The following PACRG variants were observed in gnomAD, a reference collection of about 807,000 sequenced individuals.
PACRG encodes the protein parkin coregulated gene protein.
In PACRG, 29 loss-of-function variants were observed where a neutral mutation model predicts 29.7. That is an observed-to-expected ratio of 0.98 (90% CI 0.73 to 1.33). The LOEUF is 1.33. Among genes scored for constraint, PACRG ranks in the 40% most tolerant of loss-of-function variants. The probability of loss-of-function intolerance (pLI) is 0.00; values close to 1 mark genes in which losing one functional copy is unlikely to be tolerated. For missense variants in PACRG, 279 were observed against 316.2 expected (o/e 0.88, Z 0.89); for synonymous variants, 116 against 118.7 (o/e 0.98, Z 0.15).
chr6:162,901,886 G>A (rs979734783), intron 2 of PACRG, among the ~76,000 whole-genome samples: 2 of 152,188 alleles, frequency 1.3e-5, no homozygotes, highest in Non-Finnish European at 2.9e-5. Context: ...TGGCAGGATC[G>A]CTAAGGTAAT....
In PACRG at chr6:163,192,779, G is replaced by A. The variant is rs190229423; in HGVS notation, c.613+103371G>A. The stretch of plus-strand genomic sequence containing the variant: ...TGTGTATTTGCAGGGAAGATGGTTA[G>A]GCTGACTGGCTCCCAGGTTGGGTGT... On this transcript the variant is annotated intron_variant, in intron 4 of 4. Transcript: ENST00000366888. 4.6e-3 allele frequency among the ~76,000 whole-genome samples: 694 copies of A among 152,292 alleles called. 6 individuals are homozygous for A. The highest frequency in any genetic ancestry group is 8.1e-3 in the Non-Finnish European group (551 of 68,020).
rs142868980 is a variant in PACRG at position 162,963,136 on chromosome 6, T to G, written c.292-99014T>G. 1.9e-3 allele frequency among the ~76,000 whole-genome samples: 283 copies of G among 152,326 alleles called. 1 individual carries two copies. The highest frequency in any genetic ancestry group is 6.3e-3 in the African/African-American group (264 of 41,580). On this transcript the variant is annotated intron_variant, in intron 2 of 4. Transcript: ENST00000366888. ...AAAGGAAGGCAAGGTTTTCCATAAT[T>G]AATTGCTTATAAAAACTACCAAAGA...
intron 1 of PACRG, among the ~76,000 whole-genome samples, chr6:162,810,613 C>G (rs1413782635): frequency 6.6e-6 from 1 of 151,944 alleles, no homozygotes; most frequent in Admixed American, 6.6e-5. Flanking sequence ...AAAGATGAAC[C>G]AAATAGAAAT....
chr6:162,878,543 G>T (rs758511695), intron 2 of PACRG, among the ~76,000 whole-genome samples: 26 of 152,090 alleles, frequency 1.7e-4, no homozygotes, highest in Non-Finnish European at 3.7e-4. Context: ...TTGTTACTTG[G>T]ATTCAAAGAG....
At chr6:162,919,200 G>T (rs989664886) in intron 2 of PACRG, among the ~76,000 whole-genome samples, 5 of 152,208 alleles carry the variant, frequency 3.3e-5, no homozygotes, top group African/African-American at 7.2e-5. Context: ...AATTCATGGA[G>T]ACAAAATAGT....
intron 4 of PACRG, among the ~76,000 whole-genome samples, chr6:163,307,445 C>T (rs552201514): frequency 3.1e-4 from 47 of 152,298 alleles, no homozygotes; most frequent in African/African-American, 9.1e-4. Flanking sequence ...AGTGGGTAAG[C>T]CCTTGGGCAT....
In PACRG at chr6:163,128,979, G is replaced by T. The variant is rs183089036; in HGVS notation, c.613+39571G>T. On this transcript the variant is annotated intron_variant, in intron 4 of 4. Coordinates refer to ENST00000366888, the MANE Select transcript of PACRG (RefSeq NM_001080379.2). Reference sequence around the variant, plus strand: ...CTAGGTGGTATGTGTTAAATGTTAAGTATAAGAGAATTCTCAATATTTTAA... The same window carrying T: ...CTAGGTGGTATGTGTTAAATGTTAATTATAAGAGAATTCTCAATATTTTAA... Among the ~76,000 whole-genome samples the T allele has an allele frequency of 5.4e-3, 824 of 152,232 alleles. 6 individuals are homozygous for T. The highest frequency in any genetic ancestry group is 0.019 in the African/African-American group (786 of 41,528).
intron 2 of PACRG, among the ~76,000 whole-genome samples, chr6:162,855,161 C>T (rs1052928459): frequency 1.3e-5 from 2 of 152,166 alleles, no homozygotes; most frequent in Non-Finnish European, 2.9e-5. Context: ...TCAGACTCGG[C>T]GTAAGCTGGA....
At chr6:162,903,753 T>C (rs1057154715) in intron 2 of PACRG, among the ~76,000 whole-genome samples, 9 of 152,196 alleles carry the variant, frequency 5.9e-5, no homozygotes, top group Non-Finnish European at 4.4e-5. Flanking sequence ...TCTTACTTTT[T>C]TGTCTGCCTA....
At position 163,156,069 on chromosome 6, in the gene PACRG, G is replaced by C. The variant is rs540059314; in HGVS notation, c.613+66661G>C. Among the ~76,000 whole-genome samples the C allele has an allele frequency of 1.3e-3, 192 of 152,306 alleles. 1 individual carries two copies. Among genetic ancestry groups the C allele is most frequent in the Admixed American group, 2.7e-3 (41 of 15,310 alleles). ...CTCTCCTGAGGAAGCCCTCGCCGCC[G>C]TGTGCGGAAAGCTGCCTTGGGAAAG... is the stretch of plus-strand genomic sequence containing the variant. On this transcript the variant is annotated intron_variant, in intron 4 of 4. Transcript: ENST00000366888.
chr6:162,846,807 C>T (rs1790420218), intron 2 of PACRG, among the ~76,000 whole-genome samples: 2 of 152,264 alleles, frequency 1.3e-5, no homozygotes, highest in South Asian at 4.1e-4. Context: ...ATGCTCCCCA[C>T]TGTTGTCTGT....
At chr6:163,006,734 TTTG>T (rs1270548639) in intron 2 of PACRG, among the ~76,000 whole-genome samples, 1 of 152,028 alleles carries the variant, frequency 6.6e-6, no homozygotes, top group African/African-American at 2.4e-5. Flanking sequence ...TGAAAACTAC[TTTG>T]TTGACATTAA....
chr6:163,276,743 A>T (rs1415001251), intron 4 of PACRG, among the ~76,000 whole-genome samples: 1 of 152,138 alleles, frequency 6.6e-6, no homozygotes, highest in East Asian at 1.9e-4. Flanking sequence ...CCCTTTTTGC[A>T]CTTTCACCAC....
chr6:163,007,853 C>T (rs938860282), intron 2 of PACRG, among the ~76,000 whole-genome samples: 3 of 152,118 alleles, frequency 2.0e-5, no homozygotes, highest in Non-Finnish European at 4.4e-5. Context: ...TAGAACAGAG[C>T]GGCCTTCTCA....
intron 4 of PACRG, among the ~76,000 whole-genome samples, chr6:163,303,047 A>T (rs765170576): frequency 1.3e-4 from 20 of 152,178 alleles, no homozygotes; most frequent in Non-Finnish European, 7.3e-5. Flanking sequence ...GAAATCTGAG[A>T]TGAGCAGGGT....
intron 2 of PACRG, among the ~76,000 whole-genome samples, chr6:162,931,567 A>G (rs559373784): frequency 2.0e-5 from 3 of 152,116 alleles, no homozygotes; most frequent in African/African-American, 7.2e-5. Flanking sequence ...CATTTGTTGA[A>G]AAGATTATCC....
chr6:163,124,380 A>G (rs1166257805), intron 4 of PACRG, among the ~76,000 whole-genome samples: 9 of 152,308 alleles, frequency 5.9e-5, no homozygotes, highest in Non-Finnish European at 2.9e-5. Flanking sequence ...AGGAAAATAC[A>G]TAGAATGTGA....
chr6:163,099,156 C>A (rs1442594545), intron 4 of PACRG, among the ~76,000 whole-genome samples: 2 of 152,162 alleles, frequency 1.3e-5, no homozygotes, highest in Non-Finnish European at 2.9e-5. Context: ...CCTCTGATAC[C>A]TTGTCACCCC....
chr6:162,897,397 G>T (rs1301036300), intron 2 of PACRG, among the ~76,000 whole-genome samples: 1 of 152,200 alleles, frequency 6.6e-6, no homozygotes, highest in Non-Finnish European at 1.5e-5. Flanking sequence ...TGAGGAATTT[G>T]CACTCATCAA....
Sources: allele counts gnomAD v4.1 joint callset (sites outside exome capture counted in the v4.1 genomes callset), GRCh38; gene constraint gnomAD v4.1.1; transcripts MANE v1.5; gene names NCBI Gene and HGNC (gene_info 2026-07-23, HGNC 2026-07-21).